Variants in ITGA1 observed in about 807,000 individuals in gnomAD.
The protein encoded by ITGA1 is integrin subunit alpha 1.
In ITGA1, 85 loss-of-function variants were observed where a neutral mutation model predicts 145.9. The observed-to-expected ratio is 0.58, with a 90% CI of 0.49 to 0.70. The LOEUF is 0.70. ITGA1 is among the 30% of genes least tolerant of loss of function. The probability of loss-of-function intolerance (pLI) is 0.00; values close to 1 mark genes in which losing one functional copy is unlikely to be tolerated. For missense variants in ITGA1, 1,351 were observed against 1,418.7 expected (o/e 0.95, Z 0.77); for synonymous variants, 520 against 495.3 (o/e 1.05, Z -0.66).
At chr5:52,930,839 A>G (rs1428277056) in intron 21 of ITGA1, among the ~76,000 whole-genome samples, 1 of 152,146 alleles carries the variant, frequency 6.6e-6, no homozygotes, top group Non-Finnish European at 1.5e-5. Flanking sequence ...TAGGTACTGA[A>G]TGTCAGTCAA....
chr5:52,849,889 G>A (rs1236739885), intron 2 of ITGA1, among the ~76,000 whole-genome samples: 2 of 152,100 alleles, frequency 1.3e-5, no homozygotes, highest in Non-Finnish European at 2.9e-5. Context: ...ACTTCCGTGA[G>A]TTTGGTCTTT....
intron 1 of ITGA1, among the ~76,000 whole-genome samples, chr5:52,835,550 GAGT>G (rs1749149613): frequency 6.6e-6 from 1 of 152,194 alleles, no homozygotes; most frequent in Admixed American, 6.5e-5. Flanking sequence ...TTCTGAGCCA[GAGT>G]AGTAATGAGA....
chr5:52,835,778 T>C (rs1749153122), intron 1 of ITGA1, among the ~76,000 whole-genome samples: 1 of 152,166 alleles, frequency 6.6e-6, no homozygotes, highest in Middle Eastern at 3.2e-3. Flanking sequence ...TTCTGCCCTT[T>C]TCAAGATTCA....
In ITGA1 at chr5:52,915,558, T is replaced by C. The variant is rs1329778112; in HGVS notation, c.1952T>C (p.Val651Ala). 2 of 1,614,112 alleles carry C rather than the reference T, an allele frequency of 1.2e-6. No individual in the cohort carries two copies. Among genetic ancestry groups the C allele is most frequent in the Admixed American group, 1.7e-5 (1 of 60,016 alleles). Residue 651 changes from valine (V) to alanine (A), a missense_variant, in exon 15 of 29, where the codon GTG (valine) becomes GCG (alanine). Transcript: ENST00000282588. ...MDLNGDGLTDVTIGGLGGAAL... is the reference protein window; with the variant it reads ...MDLNGDGLTDATIGGLGGAAL... ...TTAAATGGTGACGGTCTGACAGATG[T>C]GACTATTGGGGGCCTTGGTGGTGCT... is the stretch of plus-strand genomic sequence containing the variant.
intron 26 of ITGA1, among the ~76,000 whole-genome samples, chr5:52,942,016 C>T (rs1751060941): frequency 1.3e-5 from 2 of 152,130 alleles, no homozygotes; most frequent in Admixed American, 6.5e-5. Context: ...ATCCCAACAC[C>T]ATTTTTTGAC....
chr5:52,940,337 A>T (rs1751035976), intron 26 of ITGA1, among the ~76,000 whole-genome samples: 1 of 152,136 alleles, frequency 6.6e-6, no homozygotes, highest in African/African-American at 2.4e-5. Context: ...CATATACCAT[A>T]GACTTACTGT....
In ITGA1 at chr5:52,905,838, C is replaced by A. The variant is rs775286772; in HGVS notation, c.1385C>A (p.Thr462Lys). Reference sequence around the variant, plus strand: ...GCTGGACAGCCTCGGTACAATCATACAGGCCAGGTCATTATCTACAGGATG... The same window carrying A: ...GCTGGACAGCCTCGGTACAATCATAAAGGCCAGGTCATTATCTACAGGATG... ...YIAGQPRYNH[T>K]GQVIIYRMED... Residue 462 changes from threonine (T) to lysine (K), a missense_variant, in exon 12 of 29, where the codon ACA becomes AAA. By Grantham distance (78) the Thr-to-Lys change is moderately conservative. Coordinates refer to ENST00000282588, the MANE Select transcript of ITGA1 (RefSeq NM_181501.2). The A allele has an allele frequency of 4.3e-6, 7 of 1,613,546 alleles. No individual in the cohort carries two copies. Among genetic ancestry groups the A allele is most frequent in the Non-Finnish European group, 1.7e-6 (2 of 1,179,750 alleles).
intron 1 of ITGA1, among the ~76,000 whole-genome samples, chr5:52,798,025 TTCTC>T (rs766405601): frequency 5.9e-5 from 9 of 152,184 alleles, no homozygotes; most frequent in Admixed American, 4.6e-4. Context: ...TATCTCCTCA[TTCTC>T]TCTCTCTTTC....
intron 24 of ITGA1, among the ~76,000 whole-genome samples, chr5:52,938,027 ATATAAT>A (rs1201404293): frequency 1.3e-5 from 2 of 152,196 alleles, no homozygotes; most frequent in Non-Finnish European, 2.9e-5. Context: ...GAGATCCTTA[ATATAAT>A]TATGTCTGCA....
At chr5:52,843,611 C>G (rs542815744) in intron 1 of ITGA1, among the ~76,000 whole-genome samples, 2 of 152,268 alleles carry the variant, frequency 1.3e-5, no homozygotes, top group Admixed American at 6.5e-5. Flanking sequence ...TCCATTTATC[C>G]TTTTTCTGCC....
At chr5:52,936,504 C>T (rs1326078723) in intron 23 of ITGA1, among the ~76,000 whole-genome samples, 5 of 152,144 alleles carry the variant, frequency 3.3e-5, no homozygotes, top group African/African-American at 1.2e-4. Flanking sequence ...TTCCTTGGGT[C>T]TATCTATGTA....
intron 14 of ITGA1, among the ~76,000 whole-genome samples, chr5:52,912,244 CAA>C (rs916424808): frequency 5.7e-5 from 8 of 140,926 alleles, no homozygotes; most frequent in East Asian, 2.2e-4. Flanking sequence ...AGTGTATCTA[CAA>C]TATATATTAT....
intron 6 of ITGA1, among the ~76,000 whole-genome samples, chr5:52,871,297 T>G (rs1421597345): frequency 3.3e-5 from 5 of 152,168 alleles, no homozygotes; most frequent in African/African-American, 1.2e-4. Flanking sequence ...CTTTTTAAAT[T>G]AACAGACATT....
At chr5:52,920,006 T>C (rs1367034965) in intron 16 of ITGA1, among the ~76,000 whole-genome samples, 1 of 152,136 alleles carries the variant, frequency 6.6e-6, no homozygotes, top group African/African-American at 2.4e-5. Context: ...AAAAAGAATG[T>C]TTTAAGTGAA....
At chr5:52,810,379 T>C (rs938851203) in intron 1 of ITGA1, among the ~76,000 whole-genome samples, 5 of 152,256 alleles carry the variant, frequency 3.3e-5, no homozygotes, top group Non-Finnish European at 7.3e-5. Flanking sequence ...ATTTTATCTT[T>C]CGTTGTAAAA....
At chr5:52,836,614 G>A (rs753136774) in intron 1 of ITGA1, among the ~76,000 whole-genome samples, 1 of 152,000 alleles carries the variant, frequency 6.6e-6, no homozygotes, top group South Asian at 2.1e-4. Context: ...TCTGAAATTA[G>A]CAAATCTCTG....
At chr5:52,884,311 G>C (rs746770037) in intron 7 of ITGA1, among the ~76,000 whole-genome samples, 1 of 152,076 alleles carries the variant, frequency 6.6e-6, no homozygotes, top group Non-Finnish European at 1.5e-5. Flanking sequence ...GCCGGGCGTG[G>C]TGGTGGGCGC....
rs759593735 is a variant in ITGA1, at chr5:52,937,386, A to AT, written c.2965-8dup. On this transcript the variant is annotated splice_polypyrimidine_tract_variant and intron_variant, in intron 23 of 28. Coordinates refer to ENST00000282588, the MANE Select transcript of ITGA1 (RefSeq NM_181501.2). ...AAAGAGGAAGAAAGATTACATTTCCATTTTTTTCTTGTAGATTAGAAAAAG... is the reference window on the plus strand; with the variant it reads ...AAAGAGGAAGAAAGATTACATTTCCATTTTTTTTCTTGTAGATTAGAAAAAG... 3.3e-6 allele frequency: 5 copies of AT among 1,528,372 alleles called. No homozygotes were observed. Among genetic ancestry groups the AT allele is most frequent in the Admixed American group, 3.3e-5 (2 of 59,744 alleles). 94.7% of individuals were successfully genotyped at this position (1,528,372 alleles called of 1,614,324 possible).
chr5:52,811,402 A>T (rs979325917), intron 1 of ITGA1, among the ~76,000 whole-genome samples: 6 of 152,152 alleles, frequency 3.9e-5, no homozygotes, highest in African/African-American at 1.4e-4. Context: ...ATTGCTTGTT[A>T]TTTTTGCGAT....
Sources: gnomAD v4.1 joint callset for allele counts (sites outside exome capture counted in the v4.1 genomes callset) on GRCh38, gnomAD v4.1.1 for gene constraint, MANE v1.5 for transcripts, NCBI Gene and HGNC (gene_info 2026-07-23, HGNC 2026-07-21) for gene names.